Variants in MYO3B observed in about 807,000 individuals in gnomAD.
MYO3B encodes the protein myosin-IIIb.
In MYO3B, 156 loss-of-function variants were observed where a neutral mutation model predicts 174.6. The observed-to-expected ratio is 0.89, with a 90% CI of 0.78 to 1.02. The LOEUF is 1.02. MYO3B is among the 50% of genes least tolerant of loss of function. The pLI is 0.00. For missense variants in MYO3B, 1,632 were observed against 1,639.4 expected (o/e 1.00, Z 0.08); for synonymous variants, 563 against 569.1 (o/e 0.99, Z 0.15).
chr2:170,586,427 G>C (rs1693501762), intron 32 of MYO3B, among the ~76,000 whole-genome samples: 1 of 152,190 alleles, frequency 6.6e-6, no homozygotes, highest in Admixed American at 6.5e-5. Context: ...CTTTAATGCT[G>C]AGATTTTTCT....
chr2:170,232,134 C>G (rs1247988667), intron 6 of MYO3B, among the ~76,000 whole-genome samples: 2 of 152,182 alleles, frequency 1.3e-5, no homozygotes, highest in Admixed American at 6.5e-5. Flanking sequence ...TCAGAGAGTT[C>G]TTTTTGAGGT....
Position 170,274,117 on chromosome 2 carries a change from TGA to T in MYO3B, c.749+37990_749+37991del, listed in dbSNP as rs1182044046. ...GAGAGAGAGAGAGAGAGATCAAGAC[TGA>T]GAGAGAGACCAAGATGGCTTTAGAC... is the stretch of plus-strand genomic sequence containing the variant. On this transcript the variant is annotated intron_variant, in intron 7 of 34. Coordinates refer to ENST00000408978, the MANE Select transcript of MYO3B (RefSeq NM_138995.5). Among the ~76,000 whole-genome samples, 9 of 149,638 alleles carry T rather than the reference TGA, an allele frequency of 6.0e-5. No homozygotes were observed. The South Asian group carries it at 6.4e-4, about 11-fold the overall frequency.
rs542043297 is a variant in MYO3B, at chr2:170,247,559, A to G, written c.749+11423A>G. ...GGTGTCTTAGTTCATTCAAGCTGCTATAACAAAATACCTGACTTAGACTGG... is the reference window on the plus strand; with the variant it reads ...GGTGTCTTAGTTCATTCAAGCTGCTGTAACAAAATACCTGACTTAGACTGG... On this transcript the variant is annotated intron_variant, in intron 7 of 34. Coordinates refer to ENST00000408978, the MANE Select transcript of MYO3B (RefSeq NM_138995.5). Among the ~76,000 whole-genome samples the G allele has an allele frequency of 5.3e-5, 8 of 152,328 alleles. 1 individual carries two copies. The South Asian group carries it at 1.4e-3, about 28-fold the overall frequency.
At chr2:170,415,461 C>T (rs2094572309) in intron 22 of MYO3B, among the ~76,000 whole-genome samples, 2 of 152,170 alleles carry the variant, frequency 1.3e-5, no homozygotes, top group Non-Finnish European at 2.9e-5. Flanking sequence ...TATTGTCTGT[C>T]TTTCTTCACT....
At chr2:170,533,272 G>T in intron 30 of MYO3B, among the ~76,000 whole-genome samples, 1 of 151,932 alleles carries the variant, frequency 6.6e-6, no homozygotes, top group Non-Finnish European at 1.5e-5. Context: ...CTCCTCTCAC[G>T]CCCCCTCCCT....
At chr2:170,439,235 G>A (rs2094780988) in intron 22 of MYO3B, among the ~76,000 whole-genome samples, 1 of 151,776 alleles carries the variant, frequency 6.6e-6, no homozygotes, top group South Asian at 2.1e-4. Context: ...AGACGGGCAT[G>A]CTGGTGGGCG....
intron 32 of MYO3B, among the ~76,000 whole-genome samples, chr2:170,649,304 T>TATATA (rs1559202282): frequency 3.5e-5 from 3 of 86,090 alleles, no homozygotes; most frequent in African/African-American, 1.5e-4. Flanking sequence ...TATAAAATAA[T>TATATA]ATATATTATA....
intron 24 of MYO3B, among the ~76,000 whole-genome samples, chr2:170,464,005 G>C (rs1393754186): frequency 6.6e-6 from 1 of 152,204 alleles, no homozygotes; most frequent in Non-Finnish European, 1.5e-5. Context: ...TAAAGCGTTA[G>C]AGTTGGAAGG....
intron 30 of MYO3B, among the ~76,000 whole-genome samples, chr2:170,526,291 A>C (rs1312909891): frequency 6.6e-6 from 1 of 152,212 alleles, no homozygotes; most frequent in Non-Finnish European, 1.5e-5. Flanking sequence ...ATGAATACTC[A>C]ATAAGAGATT....
intron 32 of MYO3B, among the ~76,000 whole-genome samples, chr2:170,612,081 T>C (rs2105295455): frequency 6.6e-6 from 1 of 152,308 alleles, no homozygotes; most frequent in Non-Finnish European, 1.5e-5. Flanking sequence ...CTGGGCATGA[T>C]AGGAGAGCCT....
chr2:170,574,591 G>A (rs946691862), intron 32 of MYO3B, among the ~76,000 whole-genome samples: 7 of 152,096 alleles, frequency 4.6e-5, no homozygotes, highest in Admixed American at 1.3e-4. Flanking sequence ...AGAATGTAAC[G>A]CAAGGATGAA....
chr2:170,465,341 T>C (rs1561392), intron 24 of MYO3B, among the ~76,000 whole-genome samples: 129,259 of 152,026 alleles, frequency 0.85, 57,377 homozygotes, highest in Non-Finnish European at 0.99. Flanking sequence ...GAGAACAAGA[T>C]AGAGGGGAGA....
chr2:170,444,052 T>C lies in MYO3B; in HGVS notation c.2730+6T>C, dbSNP rs2094822247. 6.2e-7 allele frequency: 1 copy of C among 1,611,392 alleles called. No individual in the cohort carries two copies. Among genetic ancestry groups the C allele is most frequent in the Non-Finnish European group, 8.5e-7 (1 of 1,178,052 alleles). Reference sequence around the variant, plus strand: ...TCAGTGCTGGGAAAGCCAAGGTGAGTAACAGATTTGCACCAAATATAGTAT... The same window carrying C: ...TCAGTGCTGGGAAAGCCAAGGTGAGCAACAGATTTGCACCAAATATAGTAT... On this transcript the variant is annotated splice_donor_region_variant and intron_variant, in intron 23 of 34. Transcript: ENST00000408978.
intron 6 of MYO3B, among the ~76,000 whole-genome samples, chr2:170,220,228 A>C (rs1208090356): frequency 1.3e-5 from 2 of 151,918 alleles, no homozygotes; most frequent in South Asian, 2.1e-4. Flanking sequence ...ACTGCACTCC[A>C]GCCTGGGAGA....
chr2:170,264,254 G>A (rs561046174), intron 7 of MYO3B, among the ~76,000 whole-genome samples: 1 of 152,204 alleles, frequency 6.6e-6, no homozygotes, highest in South Asian at 2.1e-4. Context: ...CCCCACATTC[G>A]TTTAAATGCC....
intron 32 of MYO3B, among the ~76,000 whole-genome samples, chr2:170,636,188 T>A (rs1697455699): frequency 6.6e-6 from 1 of 152,196 alleles, no homozygotes; most frequent in South Asian, 2.1e-4. Flanking sequence ...TAAGAGTTTG[T>A]TGGCCATACA....
chr2:170,443,573 A>G (rs1036482526), intron 22 of MYO3B, among the ~76,000 whole-genome samples: 4 of 152,118 alleles, frequency 2.6e-5, no homozygotes, highest in African/African-American at 2.4e-5. Flanking sequence ...GCCCATGCCT[A>G]TGGCCTGAAT....
chr2:170,217,436 A>G (rs1399834550), intron 6 of MYO3B, 41 bp downstream of exon 6: 4 of 1,531,618 alleles, frequency 2.6e-6, no homozygotes, highest in Non-Finnish European at 3.6e-6. Flanking sequence ...CACTTGTTGA[A>G]TGCCTTGGTA....
At chr2:170,432,199 G>C (rs2094715108) in intron 22 of MYO3B, among the ~76,000 whole-genome samples, 1 of 152,032 alleles carries the variant, frequency 6.6e-6, no homozygotes, top group South Asian at 2.1e-4. Flanking sequence ...TTCTTTAGGA[G>C]GTATTCTAGA....
Sources: allele counts gnomAD v4.1 joint callset (sites outside exome capture counted in the v4.1 genomes callset), GRCh38; gene constraint gnomAD v4.1.1; transcripts MANE v1.5; gene names NCBI Gene and HGNC (gene_info 2026-07-23, HGNC 2026-07-21).